Variants in PLD5 observed in about 807,000 individuals in gnomAD.
PLD5 encodes inactive phospholipase D5.
PLD5 carries 36 observed loss-of-function variants against 61.1 expected under a neutral mutation model. That is an observed-to-expected ratio of 0.59 (90% CI 0.45 to 0.78). The LOEUF is 0.78. Among genes scored for constraint, PLD5 ranks in the 30% least tolerant of loss-of-function variants. PLD5 has a pLI of 0.00. For missense variants in PLD5, 515 were observed against 644.4 expected, an observed-to-expected ratio of 0.80 and a Z score of 2.17; for synonymous variants, 243 against 242.8, an observed-to-expected ratio of 1.00 and a Z score of -0.01.
chr1:242,327,165 C>T (rs1370567905), intron 2 of PLD5, among the ~76,000 whole-genome samples: 1 of 148,926 alleles, frequency 6.7e-6, no homozygotes, highest in East Asian at 2.1e-4. Context: ...ACGCCTGGCG[C>T]TAATTTTTTT....
chr1:242,259,336 A>T (rs1320907557), intron 4 of PLD5, among the ~76,000 whole-genome samples: 1 of 151,508 alleles, frequency 6.6e-6, no homozygotes, highest in Admixed American at 6.6e-5. Context: ...CAAAAAAAAT[A>T]AATTAATTTT....
intron 4 of PLD5, among the ~76,000 whole-genome samples, chr1:242,239,724 C>A (rs1671871774): frequency 6.6e-6 from 1 of 152,148 alleles, no homozygotes; most frequent in Non-Finnish European, 1.5e-5. Flanking sequence ...CCAACTTGTC[C>A]CCTCGGGCAA....
intron 5 of PLD5, among the ~76,000 whole-genome samples, chr1:242,155,893 C>T (rs1005581527): frequency 1.4e-4 from 21 of 152,094 alleles, no homozygotes; most frequent in African/African-American, 5.1e-4. Flanking sequence ...GAGTTCAAGT[C>T]CTGAATATCC....
intron 1 of PLD5, among the ~76,000 whole-genome samples, chr1:242,375,650 G>T (rs965251462): frequency 1.3e-5 from 2 of 151,956 alleles, no homozygotes; most frequent in African/African-American, 4.8e-5. Flanking sequence ...ATAAATACAA[G>T]ATATAAAATG....
In PLD5 at chr1:242,325,174, A is replaced by G. The variant is rs1574735341; in HGVS notation, c.326+22932T>C. 2.0e-5 allele frequency among the ~76,000 whole-genome samples: 3 copies of G among 151,792 alleles called. No individual in the cohort carries two copies. In the South Asian group the frequency reaches 6.2e-4, roughly 32 times the overall value. The stretch of plus-strand genomic sequence containing the variant: ...AGCATAAGGCTAGAAAACATCCTAC[A>G]CCTCCAGAAAGTGGTCCTATGTCAT... On this transcript the variant is annotated intron_variant, in intron 2 of 9. Transcript: ENST00000536534.
chr1:242,104,931 A>C (rs1660932408), intron 8 of PLD5, among the ~76,000 whole-genome samples: 2 of 152,228 alleles, frequency 1.3e-5, no homozygotes, highest in South Asian at 4.1e-4. Context: ...CTTATTTAAA[A>C]AGTATTAAGT....
intron 2 of PLD5, among the ~76,000 whole-genome samples, chr1:242,334,561 C>A (rs1413835926): frequency 6.6e-6 from 1 of 152,124 alleles, no homozygotes; most frequent in Non-Finnish European, 1.5e-5. Flanking sequence ...CTTTGGTAGG[C>A]AGCCCTCATC....
rs562238491 is a variant in PLD5 at position 242,186,185 on chromosome 1, T to C, written c.735+33803A>G. Among the ~76,000 whole-genome samples the C allele has an allele frequency of 7.2e-4, 99 of 137,854 alleles. 1 individual carries two copies. The highest frequency in any genetic ancestry group is 6.5e-4 in the Non-Finnish European group (39 of 60,076). The allele number at this position is 137,854 out of a possible 152,430, so 90.4% of individuals were successfully genotyped here. A position where few individuals can be genotyped will look rare whatever the true frequency, so the allele number is the denominator to read the frequency against. ...GAAGAGAGATATATATATATATACTTTTTTTTTTCTTTTTTGAGATGGAGT... is the reference window on the plus strand; with the variant it reads ...GAAGAGAGATATATATATATATACTCTTTTTTTTCTTTTTTGAGATGGAGT... On this transcript the variant is annotated intron_variant, in intron 5 of 9. Transcript: ENST00000536534.
intron 1 of PLD5, among the ~76,000 whole-genome samples, chr1:242,390,875 A>G (rs998331029): frequency 7.8e-6 from 1 of 128,424 alleles, no homozygotes. Context: ...AAAGGATGAA[A>G]TTCAAGTTTT....
At chr1:242,384,775 G>C (rs774020551) in intron 1 of PLD5, among the ~76,000 whole-genome samples, 4 of 152,078 alleles carry the variant, frequency 2.6e-5, no homozygotes, top group Non-Finnish European at 4.4e-5. Flanking sequence ...AGAATCTCCA[G>C]GATGAAAATA....
intron 1 of PLD5, among the ~76,000 whole-genome samples, chr1:242,434,618 T>G (rs1665895567): frequency 6.6e-6 from 1 of 152,098 alleles, no homozygotes; most frequent in Admixed American, 6.6e-5. Flanking sequence ...ATTTTATTTA[T>G]TTATTTATTT....
chr1:242,506,519 T>C (rs1668727225), intron 1 of PLD5, among the ~76,000 whole-genome samples: 2 of 152,094 alleles, frequency 1.3e-5, no homozygotes, highest in South Asian at 4.2e-4. Context: ...AAAAAATGCA[T>C]TCATGCATTC....
chr1:242,342,944 A>C (rs1213669648), intron 2 of PLD5, among the ~76,000 whole-genome samples: 1 of 152,206 alleles, frequency 6.6e-6, no homozygotes, highest in Non-Finnish European at 1.5e-5. Flanking sequence ...GGAAGAAATA[A>C]AACAAGACAA....
intron 3 of PLD5, among the ~76,000 whole-genome samples, chr1:242,284,703 T>C (rs756653525): frequency 3.3e-5 from 5 of 152,106 alleles, no homozygotes; most frequent in Non-Finnish European, 7.4e-5. Flanking sequence ...CTAGAAAAAC[T>C]AGAAGAAGAG....
At chr1:242,478,244 C>A (rs2102958285) in intron 1 of PLD5, among the ~76,000 whole-genome samples, 1 of 152,284 alleles carries the variant, frequency 6.6e-6, no homozygotes, top group South Asian at 2.1e-4. Context: ...CTGACCAACC[C>A]CTAAATCCAG....
intron 2 of PLD5, among the ~76,000 whole-genome samples, chr1:242,343,058 T>C (rs1363411889): frequency 3.3e-5 from 5 of 152,040 alleles, no homozygotes; most frequent in Non-Finnish European, 7.4e-5. Context: ...GGAATCTTAT[T>C]AGAGGATAGA....
chr1:242,243,955 T>C (rs575532668), intron 4 of PLD5, among the ~76,000 whole-genome samples: 105 of 152,312 alleles, frequency 6.9e-4, no homozygotes, highest in Middle Eastern at 3.4e-3. Context: ...GCAGCTGGTA[T>C]TCCCATTTCT....
intron 1 of PLD5, among the ~76,000 whole-genome samples, chr1:242,382,974 T>G (rs1662386752): frequency 6.6e-6 from 1 of 152,220 alleles, no homozygotes. Flanking sequence ...AGTGATAGCT[T>G]TCAGGACAGA....
chr1:242,468,941 A>C lies in PLD5; in HGVS notation c.189+55147T>G, dbSNP rs573135168. Among the ~76,000 whole-genome samples the C allele has an allele frequency of 5.6e-4, 86 of 152,264 alleles. 1 individual carries two copies. The highest frequency in any genetic ancestry group is 2.0e-3 in the African/African-American group (84 of 41,546). ...ACTGATGAAAAAACTGAGACATGAG[A>C]AGAAAAATAACTTCCTCAAGAGCAT... On this transcript the variant is annotated intron_variant, in intron 1 of 9. Transcript: ENST00000536534.
Sources: gnomAD v4.1 joint callset for allele counts (sites outside exome capture counted in the v4.1 genomes callset) on GRCh38, gnomAD v4.1.1 for gene constraint, MANE v1.5 for transcripts, NCBI Gene and HGNC (gene_info 2026-07-23, HGNC 2026-07-21) for gene names.